MTA3: variants seen among roughly 807,000 people sequenced by gnomAD.
MTA3 encodes the protein metastasis-associated protein MTA3.
A neutral mutation model predicts 83.5 loss-of-function variants in MTA3; 34 were observed. The ratio of observed to expected loss-of-function variants is 0.41; its 90% CI spans 0.31 to 0.54. The LOEUF (loss-of-function observed/expected upper bound fraction) is 0.54, where lower values mean the gene tolerates loss of function less well. MTA3 is among the 20% of genes least tolerant of loss of function. The pLI is 0.33. For synonymous variants in MTA3, 303 were observed against 252.7 expected (o/e 1.20, Z -1.89); for missense variants, 761 against 726.4 (o/e 1.05, Z -0.55).
chr2:42,572,073 C>A (rs923206581), intron 2 of MTA3, among the ~76,000 whole-genome samples: 1 of 151,810 alleles, frequency 6.6e-6, no homozygotes, highest in East Asian at 1.9e-4. Context: ...GTCAGGAGAT[C>A]GAGACCATCC....
chr2:42,539,075 G>GA (rs1449737400), intron 2 of MTA3, among the ~76,000 whole-genome samples: 9 of 152,052 alleles, frequency 5.9e-5, no homozygotes, highest in Non-Finnish European at 2.9e-5. Context: ...CTCCCGGCCT[G>GA]AAAAAAATGT....
At chr2:42,618,009 A>T (rs1685113177) in intron 4 of MTA3, among the ~76,000 whole-genome samples, 1 of 151,700 alleles carries the variant, frequency 6.6e-6, no homozygotes, top group African/African-American at 2.4e-5. Flanking sequence ...CAATGGAGTG[A>T]TCATAGCTCA....
intron 2 of MTA3, among the ~76,000 whole-genome samples, chr2:42,503,109 T>A (rs1260270394): frequency 1.3e-5 from 2 of 152,074 alleles, no homozygotes; most frequent in Non-Finnish European, 2.9e-5. Context: ...AGAGAAGTAA[T>A]GGATTAAAGA....
chr2:42,547,517 G>A (rs1191632503), intron 2 of MTA3, among the ~76,000 whole-genome samples: 1 of 152,202 alleles, frequency 6.6e-6, no homozygotes, highest in Non-Finnish European at 1.5e-5. Context: ...TTTTAGTAGA[G>A]TCAGGGTTTC....
At chr2:42,714,933 C>G (rs1367992718) in intron 14 of MTA3, among the ~76,000 whole-genome samples, 1 of 152,202 alleles carries the variant, frequency 6.6e-6, no homozygotes, top group Non-Finnish European at 1.5e-5. Context: ...CAGTTCCTAA[C>G]TTGCTACCAC....
chr2:42,591,764 C>T (rs1681034382), intron 3 of MTA3, among the ~76,000 whole-genome samples: 1 of 152,112 alleles, frequency 6.6e-6, no homozygotes, highest in Admixed American at 6.5e-5. Flanking sequence ...AATTCTCCTG[C>T]CTCAGCCTCC....
At chr2:42,573,810 TTTTC>T (rs200435400) in intron 2 of MTA3, among the ~76,000 whole-genome samples, 26 of 149,980 alleles carry the variant, frequency 1.7e-4, no homozygotes, top group Non-Finnish European at 2.7e-4. Context: ...TGCCCCAGCA[TTTTC>T]TTTCTTTCTT....
chr2:42,748,990 C>G (rs1669656559), intron 16 of MTA3, among the ~76,000 whole-genome samples: 1 of 152,224 alleles, frequency 6.6e-6, no homozygotes, highest in African/African-American at 2.4e-5. Context: ...TTTAACTTCA[C>G]AGAACTTGAA....
At chr2:42,619,803 C>T (rs1050452568) in intron 4 of MTA3, among the ~76,000 whole-genome samples, 1 of 152,140 alleles carries the variant, frequency 6.6e-6, no homozygotes, top group African/African-American at 2.4e-5. Context: ...TAAGATGTTA[C>T]TTACCTTTTT....
chr2:42,650,675 C>T (rs953350607), intron 6 of MTA3, among the ~76,000 whole-genome samples: 3 of 152,038 alleles, frequency 2.0e-5, no homozygotes, highest in African/African-American at 4.8e-5. Flanking sequence ...GTGATCTGCC[C>T]GCCTCAGCCT....
intron 9 of MTA3, among the ~76,000 whole-genome samples, chr2:42,684,716 C>T (rs544086878): frequency 2.0e-5 from 3 of 152,174 alleles, no homozygotes; most frequent in Non-Finnish European, 4.4e-5. Context: ...TTGAGAAACA[C>T]TAAAGTGAAA....
chr2:42,638,909 A>T (rs1003212220), intron 4 of MTA3, among the ~76,000 whole-genome samples: 1 of 151,496 alleles, frequency 6.6e-6, no homozygotes, highest in African/African-American at 2.4e-5. Flanking sequence ...TTTTTAATTT[A>T]AAGAGTATAT....
chr2:42,646,781 T>C (rs1054405911), intron 6 of MTA3, among the ~76,000 whole-genome samples: 1 of 152,144 alleles, frequency 6.6e-6, no homozygotes, highest in Non-Finnish European at 1.5e-5. Flanking sequence ...ACTGTTGAAA[T>C]GGCAACGAAG....
intron 2 of MTA3, among the ~76,000 whole-genome samples, chr2:42,525,191 C>A (rs371330505): frequency 8.1e-6 from 1 of 123,422 alleles, no homozygotes; most frequent in Admixed American, 7.9e-5. Flanking sequence ...TCTTTTTCTT[C>A]TTCTTCTTTT....
At position 42,593,101 on chromosome 2, in the gene MTA3, C is replaced by T. The variant is rs571795998; in HGVS notation, c.190+13901C>T. The stretch of plus-strand genomic sequence containing the variant: ...CCAGGAGGTGGTGGTTGCAGTGAGC[C>T]GAGATCATGTCACTGCACTCCAGCC... On this transcript the variant is annotated intron_variant, in intron 3 of 16. Transcript: ENST00000405094. 2.0e-4 allele frequency among the ~76,000 whole-genome samples: 30 copies of T among 151,216 alleles called. No individual in the cohort carries two copies. The East Asian group carries it at 5.3e-3, about 27-fold the overall frequency.
At chr2:42,635,199 T>G (rs1687066074) in intron 4 of MTA3, among the ~76,000 whole-genome samples, 1 of 152,242 alleles carries the variant, frequency 6.6e-6, no homozygotes, top group Non-Finnish European at 1.5e-5. Context: ...ATTTTGCATC[T>G]CTGATCTTTA....
Position 42,754,732 on chromosome 2 carries a change from A to G in MTA3, c.*1333A>G, listed in dbSNP as rs1308851301. ...CTGGATGGCAGATACGAGAGGCCCA[A>G]ATAGCCAAGCTGTTGCAAGACAGAG... On this transcript the variant is annotated 3_prime_UTR_variant, in exon 17 of 17. Transcript: ENST00000405094. The G allele has an allele frequency of 1.8e-5, 18 of 985,548 alleles. No individual in the cohort carries two copies. The highest frequency in any genetic ancestry group is 2.2e-5 in the Non-Finnish European group (18 of 829,986). The allele number at this position is 985,548 out of a possible 1,614,324, so 61.1% of individuals were successfully genotyped here.
chr2:42,571,540 G>A (rs1678479811), intron 2 of MTA3, among the ~76,000 whole-genome samples: 1 of 152,130 alleles, frequency 6.6e-6, no homozygotes, highest in Non-Finnish European at 1.5e-5. Context: ...GTTCACTTAT[G>A]TAACTCAGAC....
At chr2:42,589,718 A>G (rs1047703226) in intron 3 of MTA3, among the ~76,000 whole-genome samples, 1 of 152,066 alleles carries the variant, frequency 6.6e-6, no homozygotes, top group Non-Finnish European at 1.5e-5. Flanking sequence ...ATGCCCGGCT[A>G]ATTTTTGTAT....
Sources: gnomAD v4.1 joint callset for allele counts (sites outside exome capture counted in the v4.1 genomes callset) on GRCh38, gnomAD v4.1.1 for gene constraint, MANE v1.5 for transcripts, NCBI Gene and HGNC (gene_info 2026-07-23, HGNC 2026-07-21) for gene names.